Variants in FSTL4 observed in about 807,000 individuals in gnomAD.
The protein encoded by FSTL4 is follistatin-related protein 4.
Under a neutral mutation model 78.2 loss-of-function variants are expected in FSTL4, and 28 were observed. The ratio of observed to expected loss-of-function variants is 0.36; its 90% CI spans 0.27 to 0.49. The LOEUF (loss-of-function observed/expected upper bound fraction) is 0.49, where lower values mean the gene tolerates loss of function less well. Among genes scored for constraint, FSTL4 ranks in the 20% least tolerant of loss-of-function variants. The probability of loss-of-function intolerance (pLI) is 0.98; values close to 1 mark genes in which losing one functional copy is unlikely to be tolerated. For synonymous variants in FSTL4, 422 were observed against 440.5 expected (o/e 0.96, Z 0.53); for missense variants, 922 against 1,084.9 (o/e 0.85, Z 2.11).
the FSTL4 span, among the ~76,000 whole-genome samples, chr5:133,742,166 C>T: frequency 1.3e-5 from 2 of 152,368 alleles, no homozygotes; most frequent in South Asian, 2.1e-4. Flanking sequence ...TTAATTTGAA[C>T]ACAAACATAG....
At chr5:133,526,542 G>T (rs1759103993) in intron 3 of FSTL4, among the ~76,000 whole-genome samples, 1 of 152,166 alleles carries the variant, frequency 6.6e-6, no homozygotes, top group Non-Finnish European at 1.5e-5. Context: ...CAGAAAAAAA[G>T]TGAGGGTTCC....
At chr5:133,540,726 A>G (rs1400132496) in intron 3 of FSTL4, among the ~76,000 whole-genome samples, 1 of 150,996 alleles carries the variant, frequency 6.6e-6, no homozygotes, top group Non-Finnish European at 1.5e-5. Flanking sequence ...TAGGCAAAAA[A>G]AAAAAAAAAA....
the FSTL4 span, among the ~76,000 whole-genome samples, chr5:133,772,618 G>C: frequency 6.6e-6 from 1 of 152,146 alleles, no homozygotes; most frequent in African/African-American, 2.4e-5. Flanking sequence ...CCTTTTTGCT[G>C]TGTCATTCCA....
chr5:133,794,528 T>A, the FSTL4 span, among the ~76,000 whole-genome samples: 486 of 152,292 alleles, frequency 3.2e-3, 3 homozygotes, highest in Non-Finnish European at 5.7e-3. Context: ...AGCCCTTTCT[T>A]CCAAAATGGC....
At chr5:133,593,757 A>G (rs1760685769) in intron 2 of FSTL4, among the ~76,000 whole-genome samples, 1 of 152,222 alleles carries the variant, frequency 6.6e-6, no homozygotes, top group South Asian at 2.1e-4. Context: ...CTTAATAAAT[A>G]TGCCCACTTT....
At chr5:133,698,461 G>A in the FSTL4 span, among the ~76,000 whole-genome samples, 1 of 152,192 alleles carries the variant, frequency 6.6e-6, no homozygotes, top group Admixed American at 6.5e-5. Context: ...GGGTGGGTGG[G>A]GAGCACTGTC....
intron 2 of FSTL4, among the ~76,000 whole-genome samples, chr5:133,595,962 G>C (rs34348062): frequency 0.016 from 2,406 of 152,350 alleles, 31 homozygotes; most frequent in Middle Eastern, 0.061. Context: ...GCACAGGCAA[G>C]AGGCAAAGTG....
chr5:133,292,434 G>A (rs953511152), intron 6 of FSTL4, among the ~76,000 whole-genome samples: 7 of 151,852 alleles, frequency 4.6e-5, no homozygotes, highest in South Asian at 2.1e-4. Context: ...CCCCTACCTC[G>A]CACAGCTTGA....
intron 14 of FSTL4, among the ~76,000 whole-genome samples, chr5:133,208,576 C>T (rs114169131): frequency 0.013 from 2,035 of 152,324 alleles, 47 homozygotes; most frequent in African/African-American, 0.047. Flanking sequence ...TCCCACTTCA[C>T]GGCTCAACCT....
intron 6 of FSTL4, among the ~76,000 whole-genome samples, chr5:133,304,446 C>G (rs1278063385): frequency 6.6e-6 from 1 of 152,134 alleles, no homozygotes. Flanking sequence ...CCACCCCGTT[C>G]CTGCCTCTCC....
chr5:133,339,584 A>C (rs11960384), intron 4 of FSTL4, among the ~76,000 whole-genome samples: 24,493 of 152,068 alleles, frequency 0.16, 2,202 homozygotes, highest in East Asian at 0.37. Flanking sequence ...CTCAACAAAC[A>C]TGTGCCAGAT....
chr5:133,209,989 A>C, intron 14 of FSTL4: 1 of 480,344 alleles, frequency 2.1e-6, no homozygotes, highest in East Asian at 3.2e-5. Flanking sequence ...TCAGAATCCT[A>C]TTCATCATCA....
In FSTL4 at chr5:133,426,291, TG is replaced by T. The variant is rs913115946; in HGVS notation, c.161-25306del. On this transcript the variant is annotated intron_variant, in intron 3 of 15. Coordinates refer to ENST00000265342, the MANE Select transcript of FSTL4 (RefSeq NM_015082.2). The surrounding 1 kb of genome is among the most constrained non-coding windows in gnomAD (Gnocchi z 5.0). The stretch of plus-strand genomic sequence containing the variant: ...AGGGAGCAAAGGATAGCCGGGAGTC[TG>T]GGGAGGTGAGAGGGGGAGACCTGCC... Among the ~76,000 whole-genome samples the T allele has an allele frequency of 2.4e-4, 36 of 152,130 alleles. No homozygotes were observed. Among genetic ancestry groups the T allele is most frequent in the Admixed American group, 1.6e-3 (25 of 15,274 alleles).
chr5:133,421,577 C>T (rs566704539), intron 3 of FSTL4, among the ~76,000 whole-genome samples: 10 of 152,378 alleles, frequency 6.6e-5, no homozygotes, highest in South Asian at 2.1e-4. Flanking sequence ...ATTGCCCTAA[C>T]GGTGGGTAAC....
chr5:133,412,781 ATG>A (rs1756504116), intron 3 of FSTL4, among the ~76,000 whole-genome samples: 1 of 151,920 alleles, frequency 6.6e-6, no homozygotes, highest in Non-Finnish European at 1.5e-5. Context: ...TCTATGCAGT[ATG>A]TTGTTTTCCA....
chr5:133,807,425 G>A, the FSTL4 span, among the ~76,000 whole-genome samples: 4 of 152,178 alleles, frequency 2.6e-5, no homozygotes, highest in Non-Finnish European at 4.4e-5. Flanking sequence ...TGGGGTCAAG[G>A]GGGCTCCTCA....
At chr5:133,212,864 G>A (rs1750781347) in intron 13 of FSTL4, among the ~76,000 whole-genome samples, 1 of 152,086 alleles carries the variant, frequency 6.6e-6, no homozygotes, top group Non-Finnish European at 1.5e-5. Context: ...AATCTGGAAA[G>A]TAGAGAAAAA....
chr5:133,363,130 C>T (rs991699374), intron 4 of FSTL4, among the ~76,000 whole-genome samples: 9 of 152,112 alleles, frequency 5.9e-5, no homozygotes, highest in Non-Finnish European at 1.0e-4. Flanking sequence ...AAAATAATTA[C>T]CCTTCTTTAT....
intron 3 of FSTL4, among the ~76,000 whole-genome samples, chr5:133,410,895 C>G (rs554805593): frequency 6.6e-6 from 1 of 152,184 alleles, no homozygotes; most frequent in Non-Finnish European, 1.5e-5. Context: ...GTAACAATAT[C>G]GGACAATCTG....
Sources: allele counts gnomAD v4.1 joint callset (sites outside exome capture counted in the v4.1 genomes callset), GRCh38; gene constraint gnomAD v4.1.1; non-coding constraint Gnocchi (gnomAD v3.1); transcripts MANE v1.5; gene names NCBI Gene and HGNC (gene_info 2026-07-23, HGNC 2026-07-21).